The following PCDHA2 variants were observed in gnomAD, a reference collection of about 807,000 sequenced individuals.
PCDHA2 encodes protocadherin alpha-2.
PCDHA2 carries 58 observed loss-of-function variants against 66.0 expected under a neutral mutation model. The ratio of observed to expected loss-of-function variants is 0.88; its 90% confidence interval spans 0.71 to 1.09. The LOEUF (loss-of-function observed/expected upper bound fraction) is 1.09, where lower values mean the gene tolerates loss of function less well. Ranked by LOEUF, PCDHA2 falls within the 50% of genes least tolerant of loss-of-function variation. The probability of loss-of-function intolerance (pLI) is 0.00; values close to 1 mark genes in which losing one functional copy is unlikely to be tolerated. For missense variants in PCDHA2, 1,267 were observed against 1,242.3 expected, an observed-to-expected ratio of 1.02 and a Z score of -0.30; for synonymous variants, 634 against 554.0, an observed-to-expected ratio of 1.14 and a Z score of -2.03.
At chr5:140,996,842 T>C (rs2097749816) in intron 3 of PCDHA2, among the ~76,000 whole-genome samples, 1 of 152,240 alleles carries the variant, frequency 6.6e-6, no homozygotes, top group African/African-American at 2.4e-5. Context: ...TTAGCGTGCA[T>C]CTTCAGAATT....
At chr5:141,002,468 C>G (rs369108082) in intron 3 of PCDHA2, among the ~76,000 whole-genome samples, 2 of 152,334 alleles carry the variant, frequency 1.3e-5, no homozygotes, top group Middle Eastern at 3.4e-3. Flanking sequence ...AACGCTTTAG[C>G]ATTTTCAAAG....
chr5:140,856,238 C>T lies in PCDHA2; in HGVS notation c.2388+58886C>T, dbSNP rs1250461159. On this transcript the variant is annotated intron_variant, in intron 1 of 3. Transcript: ENST00000526136. ...GGCGGAGCTGGTGCAGCGCCTGTTC[C>T]GGGTGGCGTCCAAAAGACACGGGGA... The T allele has an allele frequency of 5.6e-6, 9 of 1,597,934 alleles. 1 individual carries two copies. Among genetic ancestry groups the T allele is most frequent in the Non-Finnish European group, 7.7e-6 (9 of 1,167,850 alleles).
At chr5:140,982,845 C>A (rs1436674965) in intron 3 of PCDHA2, among the ~76,000 whole-genome samples, 1 of 151,978 alleles carries the variant, frequency 6.6e-6, no homozygotes, top group Non-Finnish European at 1.5e-5. Flanking sequence ...TTGTTTAAAT[C>A]AGGTACCTTT....
intron 1 of PCDHA2, among the ~76,000 whole-genome samples, chr5:140,806,506 T>G (rs781804257): frequency 1.3e-5 from 2 of 152,338 alleles, no homozygotes; most frequent in South Asian, 4.1e-4. Context: ...AAGGAAGACA[T>G]CTAATTAAAT....
chr5:140,820,062 C>T (rs1472721652), intron 1 of PCDHA2, among the ~76,000 whole-genome samples: 2 of 151,904 alleles, frequency 1.3e-5, no homozygotes, highest in Non-Finnish European at 1.5e-5. Flanking sequence ...TAGAAAGTGG[C>T]TAACATCAGC....
At chr5:140,881,791 T>C (rs1487248430) in intron 1 of PCDHA2, among the ~76,000 whole-genome samples, 9 of 152,204 alleles carry the variant, frequency 5.9e-5, no homozygotes, top group Admixed American at 5.9e-4. Context: ...CGATCAATTG[T>C]CCCAAAACGA....
chr5:140,941,242 T>TC (rs1312617364), intron 1 of PCDHA2, among the ~76,000 whole-genome samples: 1 of 141,172 alleles, frequency 7.1e-6, no homozygotes, highest in East Asian at 2.0e-4. Flanking sequence ...TTTCTTTCTT[T>TC]CTTTCTTTCT....
At chr5:140,942,545 G>C (rs981508818) in intron 1 of PCDHA2, among the ~76,000 whole-genome samples, 4 of 151,970 alleles carry the variant, frequency 2.6e-5, no homozygotes, top group African/African-American at 9.7e-5. Context: ...ATGGTGGGGG[G>C]TAGGGGGTTG....
intron 1 of PCDHA2, chr5:140,808,228 C>T (rs1764128593): frequency 1.2e-6 from 2 of 1,614,106 alleles, no homozygotes; most frequent in African/African-American, 2.7e-5. Context: ...ACGATAATGT[C>T]CCAGATTTGG....
intron 1 of PCDHA2, chr5:140,848,396 G>A: frequency 7.8e-7 from 1 of 1,284,596 alleles, no homozygotes; most frequent in Non-Finnish European, 1.1e-6. Flanking sequence ...TCTCTGTGCT[G>A]AACGATGGCG....
chr5:140,805,029 A>C, intron 1 of PCDHA2: 1 of 1,581,346 alleles, frequency 6.3e-7, no homozygotes, highest in Non-Finnish European at 8.5e-7. Flanking sequence ...CTTGAATATA[A>C]TAGAGTCAGC....
intron 1 of PCDHA2, chr5:140,877,422 G>T (rs781813282): frequency 6.2e-7 from 1 of 1,613,902 alleles, no homozygotes; most frequent in Non-Finnish European, 8.5e-7. Flanking sequence ...TGCTGGTGCT[G>T]GTGAAGGACC....
chr5:140,866,372 AT>A (rs1191186521), intron 1 of PCDHA2: 2 of 152,168 alleles, frequency 1.3e-5, no homozygotes, highest in East Asian at 3.8e-4. Context: ...GCATACTTCA[AT>A]AACAATTTTA....
At chr5:140,927,063 C>G in intron 1 of PCDHA2, 1 of 1,611,332 alleles carries the variant, frequency 6.2e-7, no homozygotes. Context: ...ACTTTCGCTT[C>G]CTTTCCAGCC....
intron 3 of PCDHA2, among the ~76,000 whole-genome samples, chr5:140,983,034 C>G (rs923296416): frequency 2.6e-5 from 4 of 151,944 alleles, no homozygotes; most frequent in Non-Finnish European, 5.9e-5. Context: ...GATGGTTTCT[C>G]ATGGAAGTGG....
chr5:140,979,058 C>A, intron 2 of PCDHA2, 51 bp downstream of exon 2: 3 of 1,606,096 alleles, frequency 1.9e-6, no homozygotes, highest in Non-Finnish European at 2.6e-6. Context: ...CTTGGTATGG[C>A]TCAGATAAAC....
At chr5:140,918,331 G>A (rs1429617568) in intron 1 of PCDHA2, among the ~76,000 whole-genome samples, 1 of 152,114 alleles carries the variant, frequency 6.6e-6, no homozygotes, top group Non-Finnish European at 1.5e-5. Context: ...TATATTGTCT[G>A]CTAAGAGAGA....
chr5:140,856,920 A>T (rs1554149295), intron 1 of PCDHA2: 1 of 1,595,604 alleles, frequency 6.3e-7, no homozygotes, highest in Admixed American at 1.7e-5. Flanking sequence ...ATAAGAAGGA[A>T]ATTTTGGATA....
chr5:140,927,910 C>A lies in PCDHA2; in HGVS notation c.2389-51039C>A, dbSNP rs782484227. 2.5e-6 allele frequency: 4 copies of A among 1,614,216 alleles called. No homozygotes were observed. In the South Asian group the frequency reaches 3.3e-5, roughly 13 times the overall value. On this transcript the variant is annotated intron_variant, in intron 1 of 3. Transcript: ENST00000526136. ...TGACGTGAACGATCATGCCCCCGAACTGGACTTCCTGACTCTTTCGAACCC... is the reference window on the plus strand; with the variant it reads ...TGACGTGAACGATCATGCCCCCGAAATGGACTTCCTGACTCTTTCGAACCC...
Sources: allele counts gnomAD v4.1 joint callset (sites outside exome capture counted in the v4.1 genomes callset), GRCh38; gene constraint gnomAD v4.1.1; transcripts MANE v1.5; gene names NCBI Gene and HGNC (gene_info 2026-07-23, HGNC 2026-07-21).